Variants in CFAP57 observed in about 807,000 individuals in gnomAD.
CFAP57 encodes the protein cilia and flagella associated protein 57, also known as cilia- and flagella-associated protein 57.
CFAP57 carries 116 observed loss-of-function variants against 146.8 expected under a neutral mutation model. That is an observed-to-expected ratio of 0.79 (90% confidence interval 0.68 to 0.92). CFAP57 has a LOEUF of 0.92. Among genes scored for constraint, CFAP57 ranks in the 40% least tolerant of loss-of-function variants. The pLI is 0.00. For synonymous variants in CFAP57, 518 were observed against 552.8 expected (o/e 0.94, Z 0.88); for missense variants, 1,377 against 1,527.2 (o/e 0.90, Z 1.64).
At chr1:43,175,794 C>G (rs56384627) in intron 2 of CFAP57, among the ~76,000 whole-genome samples, 1,883 of 151,264 alleles carry the variant, frequency 0.012, 13 homozygotes, top group Non-Finnish European at 0.02. Flanking sequence ...GTGCAAGCCA[C>G]CACACCTGAC....
chr1:43,222,088 TC>T lies in CFAP57; in HGVS notation c.2342-15del. On this transcript the variant is annotated splice_polypyrimidine_tract_variant and intron_variant, in intron 14 of 22. Transcript: ENST00000372492. ...TGCTGCTCTCCCACCTTAAATACCA[TC>T]CTTGCTTCTCTCCAGAATGTTGCAA... 1.3e-6 allele frequency: 2 copies of T among 1,539,014 alleles called. No homozygotes were observed. Among genetic ancestry groups the T allele is most frequent in the Non-Finnish European group, 1.8e-6 (2 of 1,141,126 alleles).
rs1303926737 is a variant in CFAP57, at chr1:43,197,592, C to T, written c.1162C>T (p.His388Tyr). 6.2e-7 allele frequency: 1 copy of T among 1,613,994 alleles called. No homozygotes were observed. The highest frequency in any genetic ancestry group is 1.3e-5 in the African/African-American group (1 of 74,884). Residue 388 changes from histidine to tyrosine, a missense_variant, in exon 7 of 23, where the codon CAC becomes TAC. By Grantham distance (83) the His-to-Tyr change is moderately conservative. Transcript: ENST00000372492. The stretch of plus-strand genomic sequence containing the variant: ...CTTTGAGTATTTGATGTATCCATTG[C>T]ACTCAGCACCCATCACCGGTCTAGC... ...AHFEYLMYPL[H>Y]SAPITGLATC...
chr1:43,249,206 C>G (rs1004136830), intron 22 of CFAP57, among the ~76,000 whole-genome samples: 1 of 151,726 alleles, frequency 6.6e-6, no homozygotes, highest in African/African-American at 2.4e-5. Flanking sequence ...AGCCCATAAC[C>G]CTTTCTTAAT....
intron 6 of CFAP57, chr1:43,196,439 A>T (rs1431761259): frequency 6.5e-6 from 1 of 153,406 alleles, no homozygotes; most frequent in African/African-American, 2.4e-5. Context: ...AACACCGTGA[A>T]TGCACCTGAT....
chr1:43,217,683 C>T (rs1227027048), intron 12 of CFAP57, among the ~76,000 whole-genome samples: 2 of 152,178 alleles, frequency 1.3e-5, no homozygotes, highest in Non-Finnish European at 2.9e-5. Flanking sequence ...AGTCCAAACC[C>T]TGTCTGTCTC....
At chr1:43,205,781 G>C (rs1352570341) in intron 9 of CFAP57, among the ~76,000 whole-genome samples, 2 of 152,080 alleles carry the variant, frequency 1.3e-5, no homozygotes, top group Admixed American at 6.6e-5. Context: ...CATAGCCCAA[G>C]ATCAGGAGCT....
rs917358696 is a variant in CFAP57 at position 43,243,282 on chromosome 1, C to T, written c.3461C>T (p.Thr1154Ile). Residue 1154 changes from threonine (T) to isoleucine (I), a missense_variant, in exon 22 of 23, where the codon ACT becomes ATT. Coordinates refer to ENST00000372492, the MANE Select transcript of CFAP57 (RefSeq NM_001378189.1). ...INELRRELKF[T>I]RSQVYDLEAA... Reference sequence around the variant, plus strand: ...GAGCTCCGCAGGGAGCTGAAGTTCACTCGGTCCCAAGTCTATGACCTTGAA... The same window carrying T: ...GAGCTCCGCAGGGAGCTGAAGTTCATTCGGTCCCAAGTCTATGACCTTGAA... The T allele has an allele frequency of 1.3e-6, 2 of 1,549,988 alleles. No individual in the cohort carries two copies. The highest frequency in any genetic ancestry group is 2.4e-5 in the East Asian group (1 of 40,896).
intron 22 of CFAP57, 86 bp from the exon 23 acceptor site, chr1:43,253,891 T>C: frequency 8.1e-7 from 1 of 1,231,224 alleles, no homozygotes; most frequent in African/African-American, 1.5e-5. Flanking sequence ...CAATAAATGT[T>C]TGAGGAAGCA....
chr1:43,229,914 T>C (rs1472949017), intron 18 of CFAP57, among the ~76,000 whole-genome samples: 3 of 152,300 alleles, frequency 2.0e-5, no homozygotes, highest in South Asian at 4.1e-4. Context: ...AAATGCTTTC[T>C]ACCCTCCTGC....
At chr1:43,212,524 A>G (rs999600453) in intron 11 of CFAP57, among the ~76,000 whole-genome samples, 1 of 152,208 alleles carries the variant, frequency 6.6e-6, no homozygotes, top group African/African-American at 2.4e-5. Context: ...CATCTCGCGT[A>G]TTTATGATTT....
At chr1:43,190,969 A>C (rs1057053080) in intron 6 of CFAP57, among the ~76,000 whole-genome samples, 1 of 152,176 alleles carries the variant, frequency 6.6e-6, no homozygotes, top group African/African-American at 2.4e-5. Flanking sequence ...CTTTTGCATC[A>C]GGGCCTCATA....
intron 10 of CFAP57, among the ~76,000 whole-genome samples, chr1:43,207,803 G>C (rs1397861195): frequency 2.0e-5 from 3 of 152,244 alleles, no homozygotes; most frequent in Non-Finnish European, 2.9e-5. Flanking sequence ...CTGGGAAAGT[G>C]CGTAGATACC....
Position 43,209,868 on chromosome 1 carries a change from G to T in CFAP57, c.1881G>T (p.Leu627=). ...GTGCCATGAAGTACCCTCTGCCTCTGCAGAAGGAATTCAATGAGTACCAGG... is the reference window on the plus strand; with the variant it reads ...GTGCCATGAAGTACCCTCTGCCTCTTCAGAAGGAATTCAATGAGTACCAGG... ...TIRAMKYPLP[L]QKEFNEYQAH... Residue 627 remains leucine (L), a synonymous_variant, in exon 11 of 23, where the codon CTG becomes CTT. Coordinates refer to ENST00000372492, the MANE Select transcript of CFAP57 (RefSeq NM_001378189.1). 6.2e-7 allele frequency: 1 copy of T among 1,614,230 alleles called. No individual in the cohort carries two copies. The highest frequency in any genetic ancestry group is 8.5e-7 in the Non-Finnish European group (1 of 1,180,042).
At chr1:43,208,619 G>A (rs571872124) in intron 10 of CFAP57, among the ~76,000 whole-genome samples, 414 of 152,236 alleles carry the variant, frequency 2.7e-3, no homozygotes, top group Admixed American at 4.1e-3. Context: ...ACAGGGTGGG[G>A]AACACCACAC....
intron 22 of CFAP57, among the ~76,000 whole-genome samples, chr1:43,251,793 A>C (rs1646332023): frequency 6.6e-6 from 1 of 152,278 alleles, no homozygotes; most frequent in African/African-American, 2.4e-5. Context: ...GGGCAGGGGA[A>C]GGTGCTGAAG....
chr1:43,228,085 C>A (rs1157358771), intron 18 of CFAP57, among the ~76,000 whole-genome samples: 1 of 152,182 alleles, frequency 6.6e-6, no homozygotes, highest in Non-Finnish European at 1.5e-5. Context: ...ACATAGAGGC[C>A]TGAGTGAACT....
chr1:43,203,283 G>GA (rs747832689), intron 9 of CFAP57, among the ~76,000 whole-genome samples: 23 of 148,374 alleles, frequency 1.6e-4, no homozygotes, highest in South Asian at 8.6e-4. Context: ...AACATTTAAG[G>GA]AAAAAAAAAT....
chr1:43,182,420 G>A (rs1645452389), intron 3 of CFAP57, among the ~76,000 whole-genome samples: 1 of 152,152 alleles, frequency 6.6e-6, no homozygotes. Flanking sequence ...CCCTAGTCTA[G>A]GATCTAGCAC....
At chr1:43,239,141 G>A (rs1467725869) in intron 21 of CFAP57, among the ~76,000 whole-genome samples, 1 of 152,150 alleles carries the variant, frequency 6.6e-6, no homozygotes, top group Non-Finnish European at 1.5e-5. Context: ...CAGCTCTGCA[G>A]TGGAGCCAAG....
Sources: gnomAD v4.1 joint callset for allele counts (sites outside exome capture counted in the v4.1 genomes callset) on GRCh38, gnomAD v4.1.1 for gene constraint, MANE v1.5 for transcripts, NCBI Gene and HGNC (gene_info 2026-07-23, HGNC 2026-07-21) for gene names.